ZFHX3: variants seen among roughly 807,000 people sequenced by gnomAD.
ZFHX3 encodes zinc finger homeobox 3.
A neutral mutation model predicts 279.1 loss-of-function variants in ZFHX3; 42 were observed. That is an observed-to-expected ratio of 0.15 (90% CI 0.12 to 0.19). ZFHX3 has a LOEUF of 0.19. Among genes scored for constraint, ZFHX3 ranks in the 10% least tolerant of loss-of-function variants. The pLI is 1.00. For missense variants in ZFHX3, 4,981 were observed against 4,754.0 expected (o/e 1.05, Z -1.40); for synonymous variants, 2,293 against 1,957.8 (o/e 1.17, Z -4.52).
At chr16:73,547,220 C>T (rs2020133023) in intron 2 of ZFHX3, among the ~76,000 whole-genome samples, 1 of 151,894 alleles carries the variant, frequency 6.6e-6, no homozygotes, top group Non-Finnish European at 1.5e-5. Flanking sequence ...GGCTATGGTA[C>T]TATTCTATTT....
At position 73,559,382 on chromosome 16, in the gene ZFHX3, AT is replaced by A. The variant is rs1453738695; in HGVS notation, c.-1546-103125del. On this transcript the variant is annotated intron_variant, in intron 2 of 17. Coordinates refer to the ZFHX3 transcript ENST00000641206. Reference sequence around the variant, plus strand: ...TTTCCAAGTACAAGTCAAGGGTTCCATTGGCAGCTCACTGAAAGACACTGCG... The same window carrying A: ...TTTCCAAGTACAAGTCAAGGGTTCCATGGCAGCTCACTGAAAGACACTGCG... 4.6e-5 allele frequency among the ~76,000 whole-genome samples: 7 copies of A among 152,206 alleles called. No individual in the cohort carries two copies. The East Asian group carries it at 1.4e-3, about 29-fold the overall frequency.
chr16:73,662,080 A>G (rs1427144299), intron 2 of ZFHX3, among the ~76,000 whole-genome samples: 1 of 151,980 alleles, frequency 6.6e-6, no homozygotes, highest in East Asian at 1.9e-4. Flanking sequence ...ACTTGATAAA[A>G]TGCTGTGGCA....
chr16:73,566,700 T>C (rs1173835122), intron 2 of ZFHX3, among the ~76,000 whole-genome samples: 1 of 150,880 alleles, frequency 6.6e-6, no homozygotes, highest in Non-Finnish European at 1.5e-5. Context: ...TTTTTTTTTT[T>C]TTTTTTTTTT....
intron 1 of ZFHX3, among the ~76,000 whole-genome samples, chr16:73,877,201 T>TGGGGGG (rs112129642): frequency 2.8e-5 from 3 of 105,540 alleles, no homozygotes; most frequent in African/African-American, 7.2e-5. Flanking sequence ...GGGGGTTAGG[T>TGGGGGG]CGGGGGGGGG....
intron 2 of ZFHX3, among the ~76,000 whole-genome samples, chr16:73,618,436 A>T (rs778695826): frequency 5.9e-5 from 9 of 152,354 alleles, no homozygotes; most frequent in Non-Finnish European, 1.3e-4. Context: ...TAGGAGGATT[A>T]TTGTCATTCT....
At chr16:73,475,561 T>C (rs995195965) in intron 2 of ZFHX3, among the ~76,000 whole-genome samples, 4 of 152,186 alleles carry the variant, frequency 2.6e-5, no homozygotes, top group African/African-American at 7.2e-5. Context: ...TTCCTCAAAG[T>C]TGCACTTTAA....
chr16:73,180,126 C>T (rs913168833), intron 5 of ZFHX3, among the ~76,000 whole-genome samples: 1 of 152,178 alleles, frequency 6.6e-6, no homozygotes, highest in Non-Finnish European at 1.5e-5. Flanking sequence ...AGGGACTGAG[C>T]CCAGCCGAAT....
intron 2 of ZFHX3, among the ~76,000 whole-genome samples, chr16:73,554,067 A>G (rs2020240169): frequency 6.6e-6 from 1 of 152,196 alleles, no homozygotes; most frequent in South Asian, 2.1e-4. Context: ...TTAAGTAAAT[A>G]AATTTTTTCT....
intron 1 of ZFHX3, among the ~76,000 whole-genome samples, chr16:73,685,018 TA>T (rs1390269260): frequency 4.6e-4 from 7 of 15,358 alleles, no homozygotes; most frequent in South Asian, 2.2e-3. Flanking sequence ...TCATTTTATT[TA>T]TTATTATTTT....
intron 1 of ZFHX3, among the ~76,000 whole-genome samples, chr16:73,860,984 A>ATTT (rs34828290): frequency 0.01 from 1,455 of 140,662 alleles, 26 homozygotes; most frequent in African/African-American, 0.036. Context: ...TTTTTTGCAG[A>ATTT]TTTTTTTTTT....
intron 1 of ZFHX3, among the ~76,000 whole-genome samples, chr16:73,757,229 AGTCT>A (rs1398189787): frequency 5.9e-5 from 9 of 152,282 alleles, no homozygotes; most frequent in African/African-American, 9.6e-5. Context: ...AAAGAGCAGA[AGTCT>A]GTCTATTTCA....
At chr16:73,257,110 C>A (rs1405870068) in exon 5 of ZFHX3, 2 of 152,180 alleles carry the variant, frequency 1.3e-5, no homozygotes, top group Admixed American at 6.5e-5. Context: ...TTAACAAGCA[C>A]AACGTCTGGG....
At chr16:73,673,983 G>T (rs963530335) in intron 2 of ZFHX3, among the ~76,000 whole-genome samples, 5 of 152,096 alleles carry the variant, frequency 3.3e-5, no homozygotes, top group African/African-American at 1.2e-4. Flanking sequence ...TCTGTGATTG[G>T]CTACTACACA....
intron 1 of ZFHX3, among the ~76,000 whole-genome samples, chr16:73,853,328 T>G (rs1290653223): frequency 6.6e-6 from 1 of 152,178 alleles, no homozygotes; most frequent in African/African-American, 2.4e-5. Flanking sequence ...CTACTGGGTA[T>G]CTGCTCAAAG....
intron 3 of ZFHX3, among the ~76,000 whole-genome samples, chr16:73,333,109 CATAA>C (rs1296470996): frequency 6.6e-6 from 1 of 152,000 alleles, no homozygotes; most frequent in Admixed American, 6.6e-5. Context: ...CATGTAAATA[CATAA>C]ATAGTTACAT....
At chr16:73,151,004 G>A (rs1382561149) in intron 5 of ZFHX3, among the ~76,000 whole-genome samples, 1 of 152,044 alleles carries the variant, frequency 6.6e-6, no homozygotes, top group South Asian at 2.1e-4. Flanking sequence ...ATATTATTTG[G>A]CAATAAAAAG....
intron 2 of ZFHX3, among the ~76,000 whole-genome samples, chr16:73,579,006 T>C (rs181413994): frequency 2.0e-5 from 3 of 152,250 alleles, no homozygotes; most frequent in African/African-American, 4.8e-5. Context: ...CTCCTCCCAT[T>C]TGGAATTACT....
At chr16:73,270,204 A>C (rs914979431) in intron 4 of ZFHX3, among the ~76,000 whole-genome samples, 1 of 152,152 alleles carries the variant, frequency 6.6e-6, no homozygotes, top group Admixed American at 6.5e-5. Flanking sequence ...GCATTTTCCT[A>C]AGGACTAATG....
At chr16:73,093,398 G>A in exon 8 of ZFHX3, 2 of 449,016 alleles carry the variant, frequency 4.5e-6, no homozygotes, top group Non-Finnish European at 9.0e-6. Flanking sequence ...GGCAGATGCA[G>A]AACCACAGCT....
Sources: gnomAD v4.1 joint callset for allele counts (sites outside exome capture counted in the v4.1 genomes callset) on GRCh38, gnomAD v4.1.1 for gene constraint, MANE v1.5 for transcripts, NCBI Gene and HGNC (gene_info 2026-07-23, HGNC 2026-07-21) for gene names.